ADGRA3: variants seen among roughly 807,000 people sequenced by gnomAD.
ADGRA3 encodes adhesion G protein-coupled receptor A3.
ADGRA3 carries 56 observed loss-of-function variants against 119.8 expected under a neutral mutation model. That is an observed-to-expected ratio of 0.47 (90% CI 0.38 to 0.58). The LOEUF (loss-of-function observed/expected upper bound fraction) is 0.58. ADGRA3 is among the 20% of genes least tolerant of loss of function. The probability of loss-of-function intolerance (pLI) is 0.00; values close to 1 mark genes in which losing one functional copy is unlikely to be tolerated. For synonymous variants in ADGRA3, 607 were observed against 623.8 expected (o/e 0.97, Z 0.40); for missense variants, 1,516 against 1,649.0 (o/e 0.92, Z 1.40).
At chr4:22,448,458 G>A (rs1716907876) in intron 4 of ADGRA3, among the ~76,000 whole-genome samples, 2 of 152,348 alleles carry the variant, frequency 1.3e-5, no homozygotes, top group South Asian at 4.1e-4. Flanking sequence ...TTCTAGAAAT[G>A]AGGTGGGGGT....
intron 1 of ADGRA3, among the ~76,000 whole-genome samples, chr4:22,484,800 C>T (rs1002793088): frequency 2.0e-5 from 3 of 151,906 alleles, no homozygotes; most frequent in Non-Finnish European, 4.4e-5. Flanking sequence ...CTGGCTCCCT[C>T]GCTGAAAAGT....
At chr4:22,450,263 GCTT>G (rs941705763) in intron 4 of ADGRA3, among the ~76,000 whole-genome samples, 2 of 148,266 alleles carry the variant, frequency 1.3e-5, no homozygotes, top group African/African-American at 2.5e-5. Context: ...CATCCTTTAT[GCTT>G]CTTTTTTTTT....
rs995147458 is a variant in ADGRA3 at position 22,447,387 on chromosome 4, TC to T, written c.545+52del. On this transcript the variant is annotated intron_variant, in intron 5 of 18. Coordinates refer to ENST00000334304, the MANE Select transcript of ADGRA3 (RefSeq NM_145290.4). Reference sequence around the variant, plus strand: ...ACCACATAATAAATGTTTTTAATTTTCAAAAAGACATGAAAATCAAAAAAAA... The same window carrying T: ...ACCACATAATAAATGTTTTTAATTTTAAAAAGACATGAAAATCAAAAAAAA... 3.8e-5 allele frequency: 42 copies of T among 1,099,922 alleles called. No individual in the cohort carries two copies. In the African/African-American group the frequency reaches 6.3e-4, roughly 17 times the overall value. 68.1% of individuals were successfully genotyped at this position (1,099,922 alleles called of 1,614,324 possible). A position where few individuals can be genotyped will look rare whatever the true frequency, so the allele number is the denominator to read the frequency against.
chr4:22,447,727 A>G (rs1716883073), intron 4 of ADGRA3, among the ~76,000 whole-genome samples: 1 of 152,224 alleles, frequency 6.6e-6, no homozygotes, highest in South Asian at 2.1e-4. Context: ...AAATACAATT[A>G]TTAAAAGCAT....
chr4:22,392,533 G>A lies in ADGRA3; in HGVS notation c.2627+12C>T. 6.2e-7 allele frequency: 1 copy of A among 1,612,292 alleles called. No individual in the cohort carries two copies. The highest frequency in any genetic ancestry group is 8.5e-7 in the Non-Finnish European group (1 of 1,179,214). ...CAAACAAAACAATTAATACAACAAA[G>A]ATATGAGATACCTGAGCATTGGTCT... On this transcript the variant is annotated intron_variant, in intron 17 of 18. Coordinates refer to ENST00000334304, the MANE Select transcript of ADGRA3 (RefSeq NM_145290.4).
At chr4:22,496,286 G>A (rs1718823303) in intron 1 of ADGRA3, among the ~76,000 whole-genome samples, 1 of 152,136 alleles carries the variant, frequency 6.6e-6, no homozygotes, top group African/African-American at 2.4e-5. Context: ...AAGTATGGGT[G>A]ACCTCAGGGA....
chr4:22,455,706 C>A (rs6820320), intron 3 of ADGRA3: 13 of 609,986 alleles, frequency 2.1e-5, no homozygotes, highest in African/African-American at 2.1e-4. Context: ...ACATCAAGGA[C>A]AATGAACACA....
At chr4:22,465,659 T>C (rs1717630568) in intron 2 of ADGRA3, among the ~76,000 whole-genome samples, 1 of 152,200 alleles carries the variant, frequency 6.6e-6, no homozygotes. Context: ...GGCAGTGTCA[T>C]TGTTTCAGAT....
At chr4:22,449,480 C>T (rs886994301) in intron 4 of ADGRA3, among the ~76,000 whole-genome samples, 4 of 151,948 alleles carry the variant, frequency 2.6e-5, no homozygotes, top group Non-Finnish European at 4.4e-5. Flanking sequence ...CAATTGTCTC[C>T]GATTTTCTTT....
chr4:22,407,122 TTAGCCAGGCGTGGTGGTGGGTGCCTG>T (rs1305640595), intron 14 of ADGRA3, among the ~76,000 whole-genome samples: 1 of 151,772 alleles, frequency 6.6e-6, no homozygotes, highest in Non-Finnish European at 1.5e-5. Flanking sequence ...ATACAAAAAA[TTAGCCAGGCGTGGTGGTGGGTGCCTG>T]TAGTCCCAGC....
intron 7 of ADGRA3, among the ~76,000 whole-genome samples, chr4:22,438,824 C>T (rs1313493984): frequency 6.6e-6 from 1 of 152,022 alleles, no homozygotes; most frequent in African/African-American, 2.4e-5. Context: ...GAAACCCTGT[C>T]TACACTAAAA....
At chr4:22,500,849 C>T (rs1319348271) in intron 1 of ADGRA3, among the ~76,000 whole-genome samples, 1 of 152,140 alleles carries the variant, frequency 6.6e-6, no homozygotes, top group Admixed American at 6.5e-5. Flanking sequence ...TAGACTGGTC[C>T]TCTTTAAGTA....
rs368275193 is a variant in ADGRA3, at chr4:22,457,672, T to A, written c.402-2735A>T. On this transcript the variant is annotated intron_variant, in intron 3 of 18. Coordinates refer to ENST00000334304, the MANE Select transcript of ADGRA3 (RefSeq NM_145290.4). ...TATATTAAATACTCCTGAATGAGAA[T>A]TTTTAAAATTCATTTTGGATGGCAG... 1.4e-4 allele frequency among the ~76,000 whole-genome samples: 21 copies of A among 152,352 alleles called. No individual in the cohort carries two copies. In the East Asian group the frequency reaches 3.5e-3, roughly 25 times the overall value.
intron 1 of ADGRA3, chr4:22,515,276 C>A (rs1197178412): frequency 6.2e-6 from 2 of 324,836 alleles, no homozygotes; most frequent in South Asian, 6.9e-5. Flanking sequence ...GGGGACAGCG[C>A]GGGGAGCGCC....
At chr4:22,456,806 T>G (rs1717256302) in intron 3 of ADGRA3, among the ~76,000 whole-genome samples, 1 of 152,188 alleles carries the variant, frequency 6.6e-6, no homozygotes, top group African/African-American at 2.4e-5. Flanking sequence ...TTTCAATAAT[T>G]TCATAGTTCT....
At chr4:22,472,038 C>T (rs1298366395) in intron 2 of ADGRA3, among the ~76,000 whole-genome samples, 5 of 152,074 alleles carry the variant, frequency 3.3e-5, no homozygotes, top group African/African-American at 1.2e-4. Context: ...GCATGAACAG[C>T]CACATCAATC....
chr4:22,468,561 G>A (rs1560332628), intron 2 of ADGRA3, among the ~76,000 whole-genome samples: 1 of 152,106 alleles, frequency 6.6e-6, no homozygotes, highest in Non-Finnish European at 1.5e-5. Flanking sequence ...TTGAGGTCAG[G>A]AGTTTGAGAC....
At position 22,441,178 on chromosome 4, in the gene ADGRA3, A is replaced by G. The variant is rs544161232; in HGVS notation, c.920+1472T>C. ...CAATCTTATTGGCTTAAAAAATCAG[A>G]AGACAGAGGTAGAAAGAAGTCAGGC... is the stretch of plus-strand genomic sequence containing the variant. On this transcript the variant is annotated intron_variant, in intron 7 of 18. Transcript: ENST00000334304. 2.0e-5 allele frequency among the ~76,000 whole-genome samples: 3 copies of G among 152,316 alleles called. No individual in the cohort carries two copies. In the East Asian group the frequency reaches 5.8e-4, roughly 29 times the overall value.
chr4:22,411,984 G>A (rs1351632564), intron 14 of ADGRA3, among the ~76,000 whole-genome samples: 4 of 151,868 alleles, frequency 2.6e-5, no homozygotes, highest in Non-Finnish European at 5.9e-5. Context: ...AAGAGTCAAA[G>A]AAAATTATTT....
Sources: gnomAD v4.1 joint callset for allele counts (sites outside exome capture counted in the v4.1 genomes callset) on GRCh38, gnomAD v4.1.1 for gene constraint, MANE v1.5 for transcripts, NCBI Gene and HGNC (gene_info 2026-07-23, HGNC 2026-07-21) for gene names.